The following KMT2E variants were observed in gnomAD, a reference collection of about 807,000 sequenced individuals.
KMT2E encodes lysine methyltransferase 2E (inactive).
A neutral mutation model predicts 184.6 loss-of-function variants in KMT2E; 30 were observed. That is an observed-to-expected ratio of 0.16 (90% CI 0.12 to 0.22). The LOEUF (loss-of-function observed/expected upper bound fraction) is 0.22. KMT2E is among the 10% of genes least tolerant of loss of function. KMT2E has a pLI of 1.00. For synonymous variants in KMT2E, 815 were observed against 776.5 expected (o/e 1.05, Z -0.82); for missense variants, 2,023 against 2,237.4 (o/e 0.90, Z 1.93).
At chr7:105,071,584 A>G (rs1202091555) in intron 6 of KMT2E, among the ~76,000 whole-genome samples, 962 of 35,890 alleles carry the variant, frequency 0.027, 8 homozygotes, top group African/African-American at 0.046. Flanking sequence ...GTGTGTGTGT[A>G]TATATATATA....
chr7:105,076,930 G>C, intron 9 of KMT2E, 33 bp from the exon 10 acceptor site: 2 of 1,155,612 alleles, frequency 1.7e-6, no homozygotes, highest in Non-Finnish European at 2.6e-6. Flanking sequence ...AAGTCCGTAA[G>C]TCCAGATACT....
In KMT2E at chr7:105,076,949, G is replaced by T; in HGVS notation, c.769-14G>T. ...CCGTAAGTCCAGATACTAAAGCTCAGTTTATGATTTTAGGGTTCAGCTCCA... is the reference window on the plus strand; with the variant it reads ...CCGTAAGTCCAGATACTAAAGCTCATTTTATGATTTTAGGGTTCAGCTCCA... On this transcript the variant is annotated splice_polypyrimidine_tract_variant and intron_variant, in intron 9 of 26. Transcript: ENST00000311117. 1.3e-6 allele frequency: 2 copies of T among 1,582,524 alleles called. No homozygotes were observed. The highest frequency in any genetic ancestry group is 2.2e-5 in the South Asian group (2 of 90,262).
In KMT2E at chr7:105,109,195, C is replaced by G. The variant is rs1799059230; in HGVS notation, c.3722C>G (p.Thr1241Ser). ...TSNNCPVKDA[T>S]ASEKNEPEVQ... The stretch of plus-strand genomic sequence containing the variant: ...AATAACTGCCCTGTTAAGGATGCTA[C>G]TGCTAGTGAGAAGAATGAACCAGAA... The change falls in exon 23 of 27, where the codon ACT (threonine) becomes AGT (serine). Residue 1241 changes from threonine to serine, a missense_variant. Physicochemically the swap from Thr to Ser is moderately conservative, Grantham distance 58 (BLOSUM62 1). Around this residue, in one of 8 missense-constraint regions of KMT2E, gnomAD observed 1,108 missense variants for 1,050.9 expected, o/e 1.05. Transcript: ENST00000311117. 3 of 1,614,012 alleles carry G rather than the reference C, an allele frequency of 1.9e-6. No individual in the cohort carries two copies. The highest frequency in any genetic ancestry group is 1.7e-6 in the Non-Finnish European group (2 of 1,179,950).
intron 15 of KMT2E, among the ~76,000 whole-genome samples, chr7:105,095,739 G>A (rs1242741565): frequency 6.6e-6 from 1 of 152,106 alleles, no homozygotes; most frequent in Non-Finnish European, 1.5e-5. Context: ...CTTACCATAA[G>A]CCCAGTAGAC....
intron 4 of KMT2E, 102 bp from the exon 5 acceptor site, chr7:105,063,249 C>CT (rs1321371001): frequency 1.2e-6 from 1 of 823,564 alleles, no homozygotes; most frequent in East Asian, 2.7e-5. Context: ...TCTCATATCT[C>CT]TTGAGTATTG....
Position 105,105,574 on chromosome 7 carries a change from A to G in KMT2E, c.2332A>G (p.Thr778Ala). The G allele has an allele frequency of 6.2e-7, 1 of 1,614,106 alleles. No individual in the cohort carries two copies. The highest frequency in any genetic ancestry group is 8.5e-7 in the Non-Finnish European group (1 of 1,179,960). ...ATQLNSLPGLTYSPHVYSTPK... is the reference protein window; with the variant it reads ...ATQLNSLPGLAYSPHVYSTPK... ...ACAACTCAATTCTTTACCAGGTCTCACTTACAGCCCCCATGTATACTCCAC... is the reference window on the plus strand; with the variant it reads ...ACAACTCAATTCTTTACCAGGTCTCGCTTACAGCCCCCATGTATACTCCAC... Residue 778 changes from threonine to alanine, a missense_variant, in exon 18 of 27, where the codon ACT becomes GCT. Coordinates refer to ENST00000311117, the MANE Select transcript of KMT2E (RefSeq NM_182931.3).
intron 1 of KMT2E, among the ~76,000 whole-genome samples, chr7:105,031,765 A>C (rs536487752): frequency 1.4e-5 from 2 of 145,198 alleles, no homozygotes; most frequent in Non-Finnish European, 3.0e-5. Context: ...TAAATAAATA[A>C]ATTAAATAAA....
Position 105,102,961 on chromosome 7 carries a change from T to G in KMT2E, c.2196+767T>G, listed in dbSNP as rs73404039. ...TCTAGTATGAACCCAGGATTATATT[T>G]TAATAGCACAAGTTAAATAATTTAC... On this transcript the variant is annotated intron_variant, in intron 17 of 26. Coordinates refer to ENST00000311117, the MANE Select transcript of KMT2E (RefSeq NM_182931.3). 498 of 152,344 alleles carry G rather than the reference T, an allele frequency of 3.3e-3. 3 individuals carry two copies. The highest frequency in any genetic ancestry group is 0.012 in the African/African-American group (480 of 41,568). The allele number at this position is 152,344 out of a possible 1,614,324, so 9.4% of individuals were successfully genotyped here. A position where few individuals can be genotyped will look rare whatever the true frequency, so the allele number is the denominator to read the frequency against.
chr7:105,054,536 G>C (rs1428876062), intron 3 of KMT2E, among the ~76,000 whole-genome samples: 2 of 151,340 alleles, frequency 1.3e-5, no homozygotes, highest in Non-Finnish European at 2.9e-5. Context: ...GTCTATTTGA[G>C]ATGGAGTTTT....
chr7:105,104,394 A>T (rs1283779863), intron 17 of KMT2E: 1 of 152,206 alleles, frequency 6.6e-6, no homozygotes, highest in Non-Finnish European at 1.5e-5. Flanking sequence ...TTTTAAATAT[A>T]TATGTATCGT....
chr7:105,072,481 A>G (rs568439536), intron 6 of KMT2E, among the ~76,000 whole-genome samples: 35 of 152,330 alleles, frequency 2.3e-4, no homozygotes, highest in South Asian at 8.3e-4. Context: ...AGAAATTCTA[A>G]TAATCTAGAG....
At chr7:105,059,233 A>T (rs1036595074) in intron 3 of KMT2E, among the ~76,000 whole-genome samples, 2 of 152,200 alleles carry the variant, frequency 1.3e-5, no homozygotes, top group African/African-American at 4.8e-5. Flanking sequence ...ACTCCAAAAT[A>T]TCCAAGTTTT....
Position 105,077,341 on chromosome 7 carries a change from A to G in KMT2E, c.1038A>G (p.Ala346=), listed in dbSNP as rs760416842. The change falls in exon 11 of 27, where the codon GCA becomes GCG. Residue 346 remains alanine (A), a synonymous_variant. Coordinates refer to ENST00000311117, the MANE Select transcript of KMT2E (RefSeq NM_182931.3). ...AGAATAAGAAAATTCTTAAATCTGCAAAAGATTTGCCTCCTGATGCACTTA... is the reference window on the plus strand; with the variant it reads ...AGAATAAGAAAATTCTTAAATCTGCGAAAGATTTGCCTCCTGATGCACTTA... ...IQKNKKILKS[A]KDLPPDALII... is the part of the protein sequence containing the mutation. The G allele has an allele frequency of 1.2e-6, 2 of 1,610,892 alleles. No homozygotes were observed. Among genetic ancestry groups the G allele is most frequent in the South Asian group, 2.2e-5 (2 of 90,838 alleles).
intron 17 of KMT2E, chr7:105,103,286 T>A (rs1798737686): frequency 6.6e-6 from 1 of 152,222 alleles, no homozygotes; most frequent in Admixed American, 6.5e-5. Context: ...CTACATCCTA[T>A]CTGATTCTCT....
In KMT2E at chr7:105,110,298, G is replaced by C. The variant is rs1562934697; in HGVS notation, c.3774G>C (p.Val1258=). The C allele has an allele frequency of 6.2e-7, 1 of 1,614,094 alleles. No homozygotes were observed. The highest frequency in any genetic ancestry group is 2.2e-5 in the East Asian group (1 of 44,878). ...TTGAAAGGACTGCCTCAACTTCAGT[G>C]GAACAAGTCAGAGAAAGGAGTTATC... ...PEVQWTASTS[V]EQVRERSYQR... is the part of the protein sequence containing the mutation. Residue 1258 remains valine (V), a synonymous_variant, in exon 24 of 27, where the codon GTG becomes GTC. Coordinates refer to ENST00000311117, the MANE Select transcript of KMT2E (RefSeq NM_182931.3).
intron 17 of KMT2E, 87 bp downstream of exon 17, chr7:105,102,281 C>A: frequency 8.7e-7 from 1 of 1,143,180 alleles, no homozygotes; most frequent in Non-Finnish European, 1.2e-6. Context: ...ATTTTTAAGA[C>A]CTCATAATAA....
At chr7:105,015,983 A>T (rs966138477) in intron 1 of KMT2E, among the ~76,000 whole-genome samples, 2 of 151,924 alleles carry the variant, frequency 1.3e-5, no homozygotes, top group African/African-American at 2.4e-5. Context: ...AAAAAAAATT[A>T]TTTGGGTACC....
At position 105,106,503 on chromosome 7, in the gene KMT2E, A is replaced by G; in HGVS notation, c.2597-19A>G. The stretch of plus-strand genomic sequence containing the variant: ...ATAGCAACAGTGTAATTTCTTACAG[A>G]TTATTATTTCACCAACAGATTTAAC... On this transcript the variant is annotated intron_variant, in intron 19 of 26. Transcript: ENST00000311117. 5 of 1,582,794 alleles carry G rather than the reference A, an allele frequency of 3.2e-6. No homozygotes were observed. The highest frequency in any genetic ancestry group is 3.5e-6 in the Non-Finnish European group (4 of 1,151,918).
At chr7:105,099,469 C>T (rs1195514225) in intron 15 of KMT2E, among the ~76,000 whole-genome samples, 2 of 152,150 alleles carry the variant, frequency 1.3e-5, no homozygotes, top group Non-Finnish European at 2.9e-5. Flanking sequence ...TTTGCTCTGA[C>T]TATAAATTAG....
Sources: allele counts gnomAD v4.1 joint callset (sites outside exome capture counted in the v4.1 genomes callset), GRCh38; gene constraint gnomAD v4.1.1; regional missense constraint gnomAD v4.1.1; transcripts MANE v1.5; gene names NCBI Gene and HGNC (gene_info 2026-07-23, HGNC 2026-07-21).